GRAP2: variants seen among roughly 807,000 people sequenced by gnomAD.
GRAP2 encodes the protein GRB2 related adaptor protein 2.
In GRAP2, 31 loss-of-function variants were observed where a neutral mutation model predicts 43.5. The observed-to-expected ratio is 0.71, with a 90% confidence interval of 0.54 to 0.96. The LOEUF (loss-of-function observed/expected upper bound fraction) is 0.96, where lower values mean the gene tolerates loss of function less well. Among genes scored for constraint, GRAP2 ranks in the 40% least tolerant of loss-of-function variants. GRAP2 has a pLI of 0.00. For missense variants in GRAP2, 371 were observed against 424.4 expected (o/e 0.87, Z 1.11); for synonymous variants, 156 against 164.8 (o/e 0.95, Z 0.41).
chr22:39,941,818 C>T (rs1433852627), intron 1 of GRAP2, among the ~76,000 whole-genome samples: 1 of 151,902 alleles, frequency 6.6e-6, no homozygotes, highest in East Asian at 1.9e-4. Flanking sequence ...GACAATTCCA[C>T]ATCTGTACTC....
intron 1 of GRAP2, among the ~76,000 whole-genome samples, chr22:39,912,160 C>T (rs959367566): frequency 6.6e-6 from 1 of 152,210 alleles, no homozygotes; most frequent in African/African-American, 2.4e-5. Flanking sequence ...GTGGCTCACG[C>T]CTGTAATCCC....
intron 1 of GRAP2, among the ~76,000 whole-genome samples, chr22:39,916,498 T>G (rs1296517159): frequency 6.6e-6 from 1 of 152,266 alleles, no homozygotes; most frequent in African/African-American, 2.4e-5. Context: ...TCTGTACATT[T>G]AAAGTGTTTT....
chr22:39,928,442 A>T (rs1397317323), intron 1 of GRAP2, among the ~76,000 whole-genome samples: 1 of 152,156 alleles, frequency 6.6e-6, no homozygotes, highest in Admixed American at 6.5e-5. Context: ...AAGCACAGAG[A>T]TTTCTCAGAG....
In GRAP2 at chr22:39,971,022, G is replaced by A. The variant is rs1212836804; in HGVS notation, c.931G>A (p.Gly311Ser). The change falls in exon 8 of 8, where the codon GGC (glycine) becomes AGC (serine). Residue 311 changes from glycine to serine, a missense_variant. Physicochemically the swap from Gly to Ser is moderately conservative, Grantham distance 56. Transcript: ENST00000344138. ...LDSSNPSWWT[G>S]RLHNKLGLFP... ...TAGCTCCAACCCATCCTGGTGGACC[G>A]GCCGCCTGCACAACAAGCTGGGCCT... 9.9e-6 allele frequency: 16 copies of A among 1,613,612 alleles called. No individual in the cohort carries two copies. Among genetic ancestry groups the A allele is most frequent in the African/African-American group, 2.7e-5 (2 of 74,884 alleles).
intron 2 of GRAP2, among the ~76,000 whole-genome samples, chr22:39,948,917 T>G (rs1312287463): frequency 6.6e-6 from 1 of 152,156 alleles, no homozygotes; most frequent in Non-Finnish European, 1.5e-5. Flanking sequence ...AAATATACAC[T>G]TCCCTGAAGG....
chr22:39,968,020 G>A (rs2145681586), intron 5 of GRAP2, 22 bp from the exon 6 acceptor site: 3 of 1,605,070 alleles, frequency 1.9e-6, no homozygotes, highest in Non-Finnish European at 8.5e-7. Flanking sequence ...TGCATCTGCA[G>A]CATCTCTGTT....
intron 1 of GRAP2, among the ~76,000 whole-genome samples, chr22:39,921,054 A>G (rs1462234348): frequency 6.6e-6 from 1 of 151,880 alleles, no homozygotes; most frequent in Non-Finnish European, 1.5e-5. Flanking sequence ...TGTATATTCA[A>G]GGATTTTCTT....
intron 1 of GRAP2, among the ~76,000 whole-genome samples, chr22:39,928,854 C>T (rs1001397508): frequency 1.3e-5 from 2 of 152,166 alleles, no homozygotes; most frequent in Non-Finnish European, 2.9e-5. Context: ...TGCTCTTCTC[C>T]ATAATGAGAT....
rs528906309 is a variant in GRAP2 at position 39,929,774 on chromosome 22, C to T, written c.-14-17319C>T. Among the ~76,000 whole-genome samples, 38 of 152,346 alleles carry T rather than the reference C, an allele frequency of 2.5e-4. 1 individual carries two copies. The highest frequency in any genetic ancestry group is 8.7e-4 in the African/African-American group (36 of 41,576). ...TCTACCCAGACTTTTTTATTGAGTT[C>T]TATACCTGCATAGCCAATCCTTGAC... On this transcript the variant is annotated intron_variant, in intron 1 of 7. Coordinates refer to ENST00000344138, the MANE Select transcript of GRAP2 (RefSeq NM_004810.4).
chr22:39,897,933 C>G (rs1713165595), upstream of GRAP2, among the ~76,000 whole-genome samples: 1 of 152,190 alleles, frequency 6.6e-6, no homozygotes, highest in Non-Finnish European at 1.5e-5. Flanking sequence ...TCAGATCATA[C>G]TACTCCCCAG....
At chr22:39,906,484 T>G (rs2066524189) in intron 1 of GRAP2, among the ~76,000 whole-genome samples, 1 of 152,062 alleles carries the variant, frequency 6.6e-6, no homozygotes, top group African/African-American at 2.4e-5. Context: ...TCTTATCCAC[T>G]CCTTCAGTGG....
chr22:39,929,252 T>G (rs943762695), intron 1 of GRAP2, among the ~76,000 whole-genome samples: 3 of 152,050 alleles, frequency 2.0e-5, no homozygotes, highest in Admixed American at 2.0e-4. Flanking sequence ...TTTTGCAATT[T>G]CCTGAGAGAC....
At chr22:39,910,966 T>C (rs1399980984) in intron 1 of GRAP2, among the ~76,000 whole-genome samples, 1 of 152,180 alleles carries the variant, frequency 6.6e-6, no homozygotes, top group Non-Finnish European at 1.5e-5. Flanking sequence ...ATAAATTCTC[T>C]GCAACCGTGG....
chr22:39,894,566 G>A, the GRAP2 span, among the ~76,000 whole-genome samples: 1 of 152,196 alleles, frequency 6.6e-6, no homozygotes, highest in Admixed American at 6.5e-5. Context: ...AATACCACCA[G>A]CACGTGATTG....
chr22:39,960,429 T>G, intron 4 of GRAP2: 1 of 440,116 alleles, frequency 2.3e-6, no homozygotes, highest in Non-Finnish European at 4.2e-6. Flanking sequence ...GCCCAGGTGC[T>G]TCTGGAAGGG....
rs2067266592 is a variant in GRAP2, at chr22:39,973,563, C to T, written c.*2479C>T. The stretch of plus-strand genomic sequence containing the variant: ...GCATCTTTCCCTTGCTCATCAGCCT[C>T]CATTCAGAAGGAAGCGGGAAAGTCA... On this transcript the variant is annotated 3_prime_UTR_variant, in exon 8 of 8. Transcript: ENST00000344138. The T allele has an allele frequency of 6.6e-6, 1 of 152,252 alleles. No homozygotes were observed. The highest frequency in any genetic ancestry group is 2.4e-5 in the African/African-American group (1 of 41,452). 9.4% of individuals were successfully genotyped at this position (152,252 alleles called of 1,614,324 possible). A position where few individuals can be genotyped will look rare whatever the true frequency, so the allele number is the denominator to read the frequency against.
chr22:39,944,062 G>T (rs982497743), intron 1 of GRAP2, among the ~76,000 whole-genome samples: 3 of 152,030 alleles, frequency 2.0e-5, no homozygotes, highest in African/African-American at 7.3e-5. Context: ...CAGCAAGAAG[G>T]CTTCATTGCA....
chr22:39,902,940 C>A (rs544619702), intron 1 of GRAP2, among the ~76,000 whole-genome samples: 1 of 152,208 alleles, frequency 6.6e-6, no homozygotes, highest in African/African-American at 2.4e-5. Flanking sequence ...CAAAATGTCT[C>A]TCACTTATTT....
At chr22:39,904,622 T>C (rs992930872) in intron 1 of GRAP2, among the ~76,000 whole-genome samples, 1 of 152,200 alleles carries the variant, frequency 6.6e-6, no homozygotes, top group Non-Finnish European at 1.5e-5. Context: ...CATTCCTCTA[T>C]CTAACCACAA....
Sources: allele counts gnomAD v4.1 joint callset (sites outside exome capture counted in the v4.1 genomes callset), GRCh38; gene constraint gnomAD v4.1.1; transcripts MANE v1.5; gene names NCBI Gene and HGNC (gene_info 2026-07-23, HGNC 2026-07-21).